The following MAP3K13 variants were observed in gnomAD, a reference collection of about 807,000 sequenced individuals.
MAP3K13 encodes the protein mitogen-activated protein kinase kinase kinase 13.
MAP3K13 carries 52 observed loss-of-function variants against 104.0 expected under a neutral mutation model. The ratio of observed to expected loss-of-function variants is 0.50; its 90% CI spans 0.40 to 0.63. The LOEUF is 0.63. MAP3K13 is among the 20% of genes least tolerant of loss of function. The pLI, the probability that MAP3K13 is intolerant of heterozygous loss-of-function variation, is 0.00. For missense variants in MAP3K13, 914 were observed against 1,218.5 expected (o/e 0.75, Z 3.72); for synonymous variants, 394 against 442.2 (o/e 0.89, Z 1.37).
chr3:185,469,792 G>A (rs1560130316), intron 10 of MAP3K13, among the ~76,000 whole-genome samples: 1 of 152,148 alleles, frequency 6.6e-6, no homozygotes, highest in Non-Finnish European at 1.5e-5. Flanking sequence ...TGTTTAACAA[G>A]CTCCCCGGGT....
intron 10 of MAP3K13, among the ~76,000 whole-genome samples, chr3:185,472,694 C>A (rs1362021430): frequency 6.6e-6 from 1 of 152,088 alleles, no homozygotes; most frequent in Non-Finnish European, 1.5e-5. Context: ...CTTTTCAAAG[C>A]GATTGTTCTT....
chr3:185,408,433 A>G (rs1713242525), intron 1 of MAP3K13, among the ~76,000 whole-genome samples: 1 of 151,986 alleles, frequency 6.6e-6, no homozygotes, highest in Non-Finnish European at 1.5e-5. Context: ...TTAGCCGGGC[A>G]TGGTGGCGCA....
Position 185,310,898 on chromosome 3 carries a change from T to C in MAP3K13, c.-86+25255T>C, listed in dbSNP as rs528212674. ...TTAGTGCTTCTCTGTTCTTGCTGTT[T>C]TCTGCTTTCAATATTCACAGTGATA... On this transcript the variant is annotated intron_variant, in intron 2 of 14. Coordinates refer to the MAP3K13 transcript ENST00000424227. Among the ~76,000 whole-genome samples, 4 of 152,342 alleles carry C rather than the reference T, an allele frequency of 2.6e-5. No individual in the cohort carries two copies. The East Asian group carries it at 7.7e-4, about 29-fold the overall frequency.
chr3:185,326,805 G>A (rs1293433079), intron 2 of MAP3K13, among the ~76,000 whole-genome samples: 1 of 152,096 alleles, frequency 6.6e-6, no homozygotes, highest in African/African-American at 2.4e-5. Flanking sequence ...AGAGTATAAT[G>A]CTTTAAAAAT....
chr3:185,378,886 G>T (rs778261261), intron 1 of MAP3K13, among the ~76,000 whole-genome samples: 2 of 151,182 alleles, frequency 1.3e-5, no homozygotes, highest in Non-Finnish European at 2.9e-5. Flanking sequence ...AACCATTGTC[G>T]TGTTTGTATT....
intron 3 of MAP3K13, among the ~76,000 whole-genome samples, chr3:185,442,277 C>T (rs1229269719): frequency 6.6e-6 from 1 of 151,530 alleles, no homozygotes; most frequent in Non-Finnish European, 1.5e-5. Context: ...AGATGTGCCT[C>T]CCTCCAACCT....
At position 185,473,725 on chromosome 3, in the gene MAP3K13, T is replaced by A. The variant is rs1469550135; in HGVS notation, c.2394T>A (p.Pro798=). The A allele has an allele frequency of 6.2e-7, 1 of 1,613,814 alleles. No homozygotes were observed. The highest frequency in any genetic ancestry group is 1.3e-5 in the African/African-American group (1 of 74,904). ...TCGGCACCTCTCATCTCGGCACCCC[T>A]CCAGCGCTACCTCGAAAAACAAGGC... ...SSLGTSHLGT[P]PALPRKTRPL... The change falls in exon 11 of 14, where the codon CCT becomes CCA. Residue 798 remains proline (P), a synonymous_variant. Coordinates refer to ENST00000265026, the MANE Select transcript of MAP3K13 (RefSeq NM_004721.5). The surrounding 1 kb of genome is among the most constrained non-coding windows in gnomAD (Gnocchi z 4.9).
At chr3:185,451,611 G>T (rs928110429) in intron 7 of MAP3K13, 2 of 392,720 alleles carry the variant, frequency 5.1e-6, no homozygotes, top group Non-Finnish European at 9.3e-6. Context: ...ACACGTGTTG[G>T]CCGGGTGCAC....
chr3:185,358,630 G>A, upstream of MAP3K13, among the ~76,000 whole-genome samples: 2 of 43,020 alleles, frequency 4.6e-5, no homozygotes, highest in Non-Finnish European at 1.7e-4. Flanking sequence ...AATGGGAGCT[G>A]GACAGAGAAA....
rs73885714 is a variant in MAP3K13 at position 185,453,312 on chromosome 3, G to A, written c.1278+1917G>A. On this transcript the variant is annotated intron_variant, in intron 7 of 13. Coordinates refer to ENST00000265026, the MANE Select transcript of MAP3K13 (RefSeq NM_004721.5). ...AGAAATGAATTTTGTAAAGTGAATCGCATCTCCCCACTGACTTCCAGTAGC... is the reference window on the plus strand; with the variant it reads ...AGAAATGAATTTTGTAAAGTGAATCACATCTCCCCACTGACTTCCAGTAGC... 3.2e-3 allele frequency among the ~76,000 whole-genome samples: 490 copies of A among 152,026 alleles called. 2 individuals carry two copies. Among genetic ancestry groups the A allele is most frequent in the African/African-American group, 0.012 (479 of 41,468 alleles).
chr3:185,444,410 G>C (rs962133238), intron 4 of MAP3K13, among the ~76,000 whole-genome samples: 3 of 151,954 alleles, frequency 2.0e-5, no homozygotes, highest in Admixed American at 2.0e-4. Flanking sequence ...AAAAACATTA[G>C]AACTAAAAAT....
chr3:185,452,634 G>C (rs1333180808), intron 7 of MAP3K13, among the ~76,000 whole-genome samples: 1 of 152,154 alleles, frequency 6.6e-6, no homozygotes. Context: ...TACTGGCTTT[G>C]ACTGGGCTCA....
intron 1 of MAP3K13, among the ~76,000 whole-genome samples, chr3:185,364,653 G>T (rs1723787153): frequency 6.6e-6 from 1 of 152,090 alleles, no homozygotes; most frequent in Non-Finnish European, 1.5e-5. Context: ...CATACCTGAG[G>T]ATGTAACATT....
intron 1 of MAP3K13, among the ~76,000 whole-genome samples, chr3:185,403,806 A>C (rs1178856684): frequency 1.3e-5 from 2 of 152,240 alleles, no homozygotes; most frequent in African/African-American, 4.8e-5. Context: ...AAATGCATAG[A>C]TAATATAGAA....
intron 4 of MAP3K13, among the ~76,000 whole-genome samples, chr3:185,447,494 CAAAAAAAAAAA>C (rs1178155454): frequency 3.2e-3 from 91 of 28,424 alleles, no homozygotes; most frequent in African/African-American, 9.6e-3. Flanking sequence ...AACTCTGTCT[CAAAAAAAAAAA>C]AAAAAAAAAA....
At chr3:185,356,828 T>G (rs13092522) in intron 2 of MAP3K13, among the ~76,000 whole-genome samples, 34,790 of 151,996 alleles carry the variant, frequency 0.23, 4,285 homozygotes, top group Admixed American at 0.29. Context: ...GGGAGAGATA[T>G]TTCCTTCAAA....
intron 1 of MAP3K13, among the ~76,000 whole-genome samples, chr3:185,379,518 G>A (rs1724602182): frequency 6.6e-6 from 1 of 152,140 alleles, no homozygotes; most frequent in African/African-American, 2.4e-5. Flanking sequence ...CGAGGTTGTA[G>A]GTGGATCTCT....
At chr3:185,316,917 T>A (rs986709265) in intron 2 of MAP3K13, among the ~76,000 whole-genome samples, 1 of 152,202 alleles carries the variant, frequency 6.6e-6, no homozygotes, top group South Asian at 2.1e-4. Flanking sequence ...CCTATAATTA[T>A]TATGATGTCA....
At chr3:185,292,504 C>T (rs1408115392) in intron 2 of MAP3K13, 1 of 263,796 alleles carries the variant, frequency 3.8e-6, no homozygotes, top group East Asian at 1.8e-4. Context: ...TGAACCTTAA[C>T]TTCGTCATCT....
Sources: gnomAD v4.1 joint callset for allele counts (sites outside exome capture counted in the v4.1 genomes callset) on GRCh38, gnomAD v4.1.1 for gene constraint, Gnocchi (gnomAD v3.1) non-coding constraint, MANE v1.5 for transcripts, NCBI Gene and HGNC (gene_info 2026-07-23, HGNC 2026-07-21) for gene names.